ATP13A4: variants seen among roughly 807,000 people sequenced by gnomAD.
The protein encoded by ATP13A4 is probable cation-transporting ATPase 13A4.
ATP13A4 carries 114 observed loss-of-function variants against 142.5 expected under a neutral mutation model. The observed-to-expected ratio is 0.80, with a 90% CI of 0.69 to 0.93. ATP13A4 has a LOEUF of 0.93. Among genes scored for constraint, ATP13A4 ranks in the 40% least tolerant of loss-of-function variants. ATP13A4 has a pLI of 0.00. For missense variants in ATP13A4, 1,392 were observed against 1,454.0 expected (o/e 0.96, Z 0.69); for synonymous variants, 488 against 514.8 (o/e 0.95, Z 0.70).
intron 1 of ATP13A4, among the ~76,000 whole-genome samples, chr3:193,551,895 A>G (rs1043655375): frequency 6.6e-6 from 1 of 151,982 alleles, no homozygotes; most frequent in Non-Finnish European, 1.5e-5. Flanking sequence ...GCAGTTAAAG[A>G]TATTATTTTC....
rs889371110 is a variant in ATP13A4 at position 193,400,231 on chromosome 3, G to A, written c.*2421C>T. ...TTCCTTCAATTACTGCTTCTAAGAT[G>A]TAGTTAATCCCAGGAATACAGTCTT... On this transcript the variant is annotated 3_prime_UTR_variant, in exon 30 of 30. Coordinates refer to ENST00000342695, the MANE Select transcript of ATP13A4 (RefSeq NM_032279.4). Among the ~76,000 whole-genome samples, 12 of 152,198 alleles carry A rather than the reference G, an allele frequency of 7.9e-5. No homozygotes were observed. Among genetic ancestry groups the A allele is most frequent in the African/African-American group, 2.9e-4 (12 of 41,440 alleles).
At chr3:193,554,945 TTC>T, upstream of ATP13A4, 1 of 1,588,682 alleles carries the variant, frequency 6.3e-7, no homozygotes, top group Non-Finnish European at 8.5e-7. Flanking sequence ...AGCACACACC[TTC>T]TCTCAACAAA....
intron 2 of ATP13A4, among the ~76,000 whole-genome samples, chr3:193,567,508 C>T (rs548273484): frequency 7.9e-5 from 12 of 152,336 alleles, no homozygotes; most frequent in African/African-American, 2.9e-4. Context: ...CTCTCCGATG[C>T]AGTCCATGGA....
rs1418599504 is a variant in ATP13A4, at chr3:193,434,028, G to C, written c.2770-111C>G. 6.6e-6 allele frequency: 6 copies of C among 903,054 alleles called. No individual in the cohort carries two copies. The Admixed American group carries it at 7.5e-5, about 11-fold the overall frequency. The allele number at this position is 903,054 out of a possible 1,614,324, so 55.9% of individuals were successfully genotyped here. A position where few individuals can be genotyped will look rare whatever the true frequency, so the allele number is the denominator to read the frequency against. ...CATAGGGTTTTTCAAGTAAATTACT[G>C]TGGAGATGCTGTGTTCGGGGCCTGG... is the stretch of plus-strand genomic sequence containing the variant. On this transcript the variant is annotated intron_variant, in intron 24 of 29. Coordinates refer to ENST00000342695, the MANE Select transcript of ATP13A4 (RefSeq NM_032279.4).
intron 1 of ATP13A4, among the ~76,000 whole-genome samples, chr3:193,538,508 A>C (rs1393515128): frequency 2.0e-4 from 31 of 151,604 alleles, no homozygotes; most frequent in Admixed American, 7.9e-4. Flanking sequence ...AAAAAAAAAA[A>C]AAAAAACCCT....
At chr3:193,402,894 G>A (rs371950521) in intron 29 of ATP13A4, 30 bp from the exon 30 acceptor site, 69 of 1,599,654 alleles carry the variant, frequency 4.3e-5, no homozygotes, top group Non-Finnish European at 5.6e-5. Flanking sequence ...CTTTTTACAA[G>A]CAAGGGTTGA....
intron 1 of ATP13A4, among the ~76,000 whole-genome samples, chr3:193,525,146 T>A (rs1721932904): frequency 6.6e-6 from 1 of 152,196 alleles, no homozygotes; most frequent in Admixed American, 6.5e-5. Context: ...AATTTTATTG[T>A]AAGGATTCTA....
At chr3:193,545,256 C>G (rs1723155456) in intron 1 of ATP13A4, among the ~76,000 whole-genome samples, 2 of 152,160 alleles carry the variant, frequency 1.3e-5, no homozygotes, top group South Asian at 2.1e-4. Flanking sequence ...ATAGTTCCCC[C>G]AAGAAGGCAA....
intron 21 of ATP13A4, chr3:193,440,318 A>T (rs1716552424): frequency 8.1e-6 from 5 of 618,314 alleles, no homozygotes; most frequent in South Asian, 4.0e-5. Context: ...TGCAAAATTG[A>T]CTTAAGTGAA....
chr3:193,454,308 A>G, intron 16 of ATP13A4, 96 bp from the exon 17 acceptor site: 2 of 866,044 alleles, frequency 2.3e-6, no homozygotes, highest in Non-Finnish European at 1.9e-6. Context: ...TGCCCAAGAA[A>G]ACACACTTCT....
At chr3:193,414,552 A>G in intron 26 of ATP13A4, 27 bp downstream of exon 26, 1 of 1,610,432 alleles carries the variant, frequency 6.2e-7, no homozygotes, top group Non-Finnish European at 8.5e-7. Flanking sequence ...AGAATGTGAG[A>G]AGCAGAAGCT....
At chr3:193,429,650 G>A (rs112363641) in intron 25 of ATP13A4, among the ~76,000 whole-genome samples, 1 of 151,932 alleles carries the variant, frequency 6.6e-6, no homozygotes, top group Admixed American at 6.6e-5. Context: ...TTGCTTTAAT[G>A]GATAGAGTAT....
At chr3:193,467,541 T>C (rs1718374586) in intron 9 of ATP13A4, 55 bp from the exon 10 acceptor site, 1 of 1,555,754 alleles carries the variant, frequency 6.4e-7, no homozygotes, top group South Asian at 1.1e-5. Context: ...CTCATTTAAA[T>C]CATGCCTGCA....
intron 15 of ATP13A4, 57 bp from the exon 16 acceptor site, chr3:193,457,210 G>A: frequency 1.2e-6 from 2 of 1,603,150 alleles, no homozygotes; most frequent in Non-Finnish European, 1.7e-6. Flanking sequence ...TAGCTACTGG[G>A]AATTAACCAC....
At chr3:193,406,547 G>A (rs544223340) in intron 29 of ATP13A4, among the ~76,000 whole-genome samples, 5 of 152,362 alleles carry the variant, frequency 3.3e-5, no homozygotes, top group South Asian at 4.1e-4. Context: ...TGAGCAGGGA[G>A]AGCGTGAATC....
chr3:193,449,706 G>A (rs116489451), intron 17 of ATP13A4, among the ~76,000 whole-genome samples: 14 of 152,164 alleles, frequency 9.2e-5, no homozygotes, highest in South Asian at 4.1e-4. Context: ...TTAGACTGCT[G>A]TAAGACATTT....
chr3:193,467,619 G>C lies in ATP13A4; in HGVS notation c.944-133C>G, dbSNP rs61083071. ...TGTGGCAGAGACAACCCTAGGTATT[G>C]GGGATACAAGCATAAACATAGTTCT... On this transcript the variant is annotated intron_variant, in intron 9 of 29. Coordinates refer to ENST00000342695, the MANE Select transcript of ATP13A4 (RefSeq NM_032279.4). The C allele has an allele frequency of 2.0e-3, 1,715 of 853,634 alleles. 21 individuals carry two copies. The African/African-American group carries it at 0.025, about 12-fold the overall frequency. 52.9% of individuals were successfully genotyped at this position (853,634 alleles called of 1,614,324 possible).
chr3:193,584,844 C>G (rs1724637315), intron 1 of ATP13A4, among the ~76,000 whole-genome samples: 2 of 152,240 alleles, frequency 1.3e-5, no homozygotes. Context: ...TGCAAATCTA[C>G]AATTTTAAAT....
In ATP13A4 at chr3:193,438,523, G is replaced by A; in HGVS notation, c.2624C>T (p.Pro875Leu). ...AATGTTTGGAGTTTTGGAAGTGAAA[G>A]GTGAGGCCACAGATGCCTCCTGCTC... ...LSEQEASVAS[P>L]FTSKTPNIEC... Residue 875 changes from proline (P) to leucine (L), a missense_variant, in exon 23 of 30, where the codon CCT (proline) becomes CTT (leucine). By Grantham distance (98) the Pro-to-Leu change is moderately conservative (BLOSUM62 -3). Transcript: ENST00000342695. The A allele has an allele frequency of 4.3e-6, 7 of 1,614,190 alleles. No homozygotes were observed. Among genetic ancestry groups the A allele is most frequent in the Non-Finnish European group, 5.9e-6 (7 of 1,180,042 alleles).
Sources: allele counts gnomAD v4.1 joint callset (sites outside exome capture counted in the v4.1 genomes callset), GRCh38; gene constraint gnomAD v4.1.1; transcripts MANE v1.5; gene names NCBI Gene and HGNC (gene_info 2026-07-23, HGNC 2026-07-21).